The following QTMAN variants were observed in gnomAD, a reference collection of about 807,000 sequenced individuals.
The protein encoded by QTMAN is queuosine-tRNA mannosyltransferase.
chr2:144,129,995 T>G, the QTMAN span, among the ~76,000 whole-genome samples: 3 of 151,388 alleles, frequency 2.0e-5, no homozygotes, highest in African/African-American at 7.3e-5. Context: ...ATTTGAGACA[T>G]CATTTATTGA....
At chr2:144,183,317 C>T in the QTMAN span, among the ~76,000 whole-genome samples, 1 of 152,112 alleles carries the variant, frequency 6.6e-6, no homozygotes, top group South Asian at 2.1e-4. Context: ...TTTGTGGCAT[C>T]ATATAGGTCT....
the QTMAN span, among the ~76,000 whole-genome samples, chr2:144,008,197 C>A: frequency 6.6e-6 from 1 of 152,022 alleles, no homozygotes; most frequent in Non-Finnish European, 1.5e-5. Context: ...AATAGAGGGG[C>A]TATCCTCAAG....
At chr2:144,240,345 C>G in the QTMAN span, among the ~76,000 whole-genome samples, 1 of 152,078 alleles carries the variant, frequency 6.6e-6, no homozygotes, top group Non-Finnish European at 1.5e-5. Context: ...TGATTTCATG[C>G]CTTGATTTGT....
At chr2:144,016,463 C>T in the QTMAN span, among the ~76,000 whole-genome samples, 2 of 152,104 alleles carry the variant, frequency 1.3e-5, no homozygotes, top group East Asian at 3.8e-4. Context: ...CTCTTCCAAG[C>T]AAGAGGAAAT....
the QTMAN span, among the ~76,000 whole-genome samples, chr2:144,246,522 G>A: frequency 2.8e-5 from 4 of 142,828 alleles, no homozygotes; most frequent in Admixed American, 7.2e-5. Flanking sequence ...GCCGTGAGCC[G>A]AGATTGCGCC....
the QTMAN span, among the ~76,000 whole-genome samples, chr2:144,225,557 G>A: frequency 6.6e-6 from 1 of 152,032 alleles, no homozygotes; most frequent in Admixed American, 6.6e-5. Flanking sequence ...ACTATTACTC[G>A]AAATACTAAA....
the QTMAN span, among the ~76,000 whole-genome samples, chr2:144,227,259 T>C: frequency 6.6e-6 from 1 of 152,134 alleles, no homozygotes; most frequent in Non-Finnish European, 1.5e-5. Flanking sequence ...TACTACAAAA[T>C]ATCTTTGTTT....
At chr2:144,027,998 C>G in the QTMAN span, among the ~76,000 whole-genome samples, 1 of 152,130 alleles carries the variant, frequency 6.6e-6, no homozygotes, top group Non-Finnish European at 1.5e-5. Context: ...ACTCCTTCGA[C>G]CACTTCTAAC....
chr2:144,331,360 C>A, the QTMAN span, among the ~76,000 whole-genome samples: 1 of 152,022 alleles, frequency 6.6e-6, no homozygotes, highest in African/African-American at 2.4e-5. Context: ...TCTTTTTCAG[C>A]AGCTCCTTTA....
At chr2:144,237,591 G>C in the QTMAN span, among the ~76,000 whole-genome samples, 1 of 152,144 alleles carries the variant, frequency 6.6e-6, no homozygotes, top group Non-Finnish European at 1.5e-5. Flanking sequence ...TTCTTGTCAA[G>C]TTCCATTCTA....
At chr2:144,230,578 A>C in the QTMAN span, among the ~76,000 whole-genome samples, 1 of 152,132 alleles carries the variant, frequency 6.6e-6, no homozygotes, top group African/African-American at 2.4e-5. Context: ...ACACTTTTAC[A>C]GGGGCATATT....
At chr2:144,132,756 T>C in the QTMAN span, among the ~76,000 whole-genome samples, 3 of 151,910 alleles carry the variant, frequency 2.0e-5, no homozygotes, top group South Asian at 2.1e-4. Flanking sequence ...TGGAGTCATG[T>C]TGAATGGACA....
the QTMAN span, among the ~76,000 whole-genome samples, chr2:144,019,384 G>A: frequency 5.3e-5 from 8 of 151,842 alleles, no homozygotes; most frequent in African/African-American, 1.9e-4. Flanking sequence ...GCAGATGGAT[G>A]AGCGGTGGTT....
chr2:144,227,662 T>C, the QTMAN span, among the ~76,000 whole-genome samples: 1 of 152,116 alleles, frequency 6.6e-6, no homozygotes, highest in Non-Finnish European at 1.5e-5. Context: ...CCAACACATA[T>C]GCACTAACTG....
the QTMAN span, among the ~76,000 whole-genome samples, chr2:144,093,395 A>T: frequency 1.1e-3 from 174 of 152,344 alleles, no homozygotes; most frequent in Non-Finnish European, 2.0e-3. Flanking sequence ...ATACCCCATG[A>T]AGGGCTGACA....
the QTMAN span, among the ~76,000 whole-genome samples, chr2:143,954,556 T>A: frequency 6.6e-6 from 1 of 152,008 alleles, no homozygotes; most frequent in East Asian, 1.9e-4. Flanking sequence ...ATTTACAAAT[T>A]TTGGATTTCA....
chr2:144,025,011 T>C, the QTMAN span, among the ~76,000 whole-genome samples: 2 of 152,196 alleles, frequency 1.3e-5, no homozygotes, highest in African/African-American at 2.4e-5. Context: ...TCGTAGGATG[T>C]GGAATGGGAC....
chr2:144,054,908 G>A, the QTMAN span, among the ~76,000 whole-genome samples: 1 of 152,130 alleles, frequency 6.6e-6, no homozygotes, highest in Non-Finnish European at 1.5e-5. Context: ...GATCAAACAG[G>A]TTGAAAATAA....
At chr2:144,058,795 T>C in the QTMAN span, among the ~76,000 whole-genome samples, 1 of 152,230 alleles carries the variant, frequency 6.6e-6, no homozygotes, top group African/African-American at 2.4e-5. Flanking sequence ...TCTGTTACAC[T>C]GGGTTCTGCC....
Sources: gnomAD v4.1 joint callset for allele counts (sites outside exome capture counted in the v4.1 genomes callset) on GRCh38, gnomAD v4.1.1 for gene constraint, MANE v1.5 for transcripts, NCBI Gene and HGNC (gene_info 2026-07-23, HGNC 2026-07-21) for gene names.